The following FBXO15 variants were observed in gnomAD, a reference collection of about 807,000 sequenced individuals.
FBXO15 encodes F-box protein 15, also known as F-box only protein 15.
In FBXO15, 30 loss-of-function variants were observed where a neutral mutation model predicts 49.5. The ratio of observed to expected loss-of-function variants is 0.61; its 90% CI spans 0.45 to 0.82. The LOEUF (loss-of-function observed/expected upper bound fraction) is 0.82. Ranked by LOEUF, FBXO15 falls within the 40% of genes least tolerant of loss-of-function variation. FBXO15 has a pLI of 0.00. For missense variants in FBXO15, 591 were observed against 631.5 expected, an observed-to-expected ratio of 0.94 and a Z score of 0.69; for synonymous variants, 250 against 232.7, an observed-to-expected ratio of 1.07 and a Z score of -0.68.
intron 8 of FBXO15, among the ~76,000 whole-genome samples, chr18:74,121,776 C>T (rs182001842): frequency 1.1e-3 from 168 of 152,058 alleles, no homozygotes; most frequent in African/African-American, 2.6e-3. Context: ...AGGGTGGGGG[C>T]GAGGAGGAAA....
chr18:74,082,622 G>A (rs2145107729), intron 8 of FBXO15, among the ~76,000 whole-genome samples: 1 of 152,274 alleles, frequency 6.6e-6, no homozygotes, highest in Middle Eastern at 3.4e-3. Context: ...CTGGCAGCCT[G>A]GCCACACGGA....
In FBXO15 at chr18:74,089,585, T is replaced by C. The variant is rs1912924617; in HGVS notation, c.1139-7534A>G. ...ATAGATGGCTGTTATTATTTTGAAG[T>C]ATGTTCCTTCAATGCCTAGTTTCTT... On this transcript the variant is annotated intron_variant, in intron 8 of 9. Coordinates refer to ENST00000419743, the MANE Select transcript of FBXO15 (RefSeq NM_001142958.2). Among the ~76,000 whole-genome samples, 3 of 152,222 alleles carry C rather than the reference T, an allele frequency of 2.0e-5. No individual in the cohort carries two copies. The South Asian group carries it at 6.2e-4, about 32-fold the overall frequency.
rs143923015 is a variant in FBXO15, at chr18:74,123,419, C to T, written c.1087G>A (p.Gly363Ser). 32 of 1,613,888 alleles carry T rather than the reference C, an allele frequency of 2.0e-5. No individual in the cohort carries two copies. The highest frequency in any genetic ancestry group is 1.1e-4 in the African/African-American group (8 of 75,000). The stretch of plus-strand genomic sequence containing the variant: ...GTACCACATAGGTAGAAAACCCCAC[C>T]GCTGTGCAGATCAACATGGAGTTGG... The part of the protein sequence containing the change: ...GYQLHVDLHS[G>S]GVFYLCGTFR... Residue 363 changes from glycine (G) to serine (S), a missense_variant, in exon 8 of 10, where the codon GGT becomes AGT. By Grantham distance (56) the Gly-to-Ser change is moderately conservative (BLOSUM62 0). Transcript: ENST00000419743.
chr18:74,147,451 T>C, intron 1 of FBXO15: 1 of 1,188,742 alleles, frequency 8.4e-7, no homozygotes, highest in Non-Finnish European at 1.0e-6. Flanking sequence ...AGAAAAAATA[T>C]TTCCCCGAGA....
At chr18:74,129,725 C>A in intron 4 of FBXO15, 111 bp from the exon 5 acceptor site, 1 of 849,456 alleles carries the variant, frequency 1.2e-6, no homozygotes, top group South Asian at 1.8e-5. Context: ...AAGCCAAAGT[C>A]AAAATTCTCA....
chr18:74,140,364 T>C, intron 1 of FBXO15, 52 bp from the exon 2 acceptor site: 1 of 1,478,660 alleles, frequency 6.8e-7, no homozygotes, highest in South Asian at 1.3e-5. Flanking sequence ...ATGAGGTGAA[T>C]TATCTATTCC....
intron 3 of FBXO15, among the ~76,000 whole-genome samples, chr18:74,135,263 C>G (rs1017896018): frequency 1.3e-5 from 2 of 152,230 alleles, no homozygotes; most frequent in African/African-American, 4.8e-5. Context: ...TCTCTCTATC[C>G]ATTTCGCTCT....
intron 9 of FBXO15, among the ~76,000 whole-genome samples, chr18:74,078,338 C>CCT (rs74319983): frequency 4.1e-4 from 61 of 148,126 alleles, no homozygotes; most frequent in African/African-American, 1.5e-3. Context: ...GGCCCCCCCC[C>CCT]GACCTGCCCC....
chr18:74,094,462 C>T (rs932462791), intron 8 of FBXO15, among the ~76,000 whole-genome samples: 1 of 152,170 alleles, frequency 6.6e-6, no homozygotes, highest in Non-Finnish European at 1.5e-5. Flanking sequence ...CATTCTATAT[C>T]CTGTACAGCC....
At chr18:74,094,226 G>A (rs962267267) in intron 8 of FBXO15, among the ~76,000 whole-genome samples, 2 of 152,186 alleles carry the variant, frequency 1.3e-5, no homozygotes, top group Non-Finnish European at 2.9e-5. Context: ...GGCCTGGTGG[G>A]AGCTGACTGT....
intron 8 of FBXO15, among the ~76,000 whole-genome samples, chr18:74,121,600 T>A (rs550715309): frequency 6.6e-6 from 1 of 152,252 alleles, no homozygotes; most frequent in South Asian, 2.1e-4. Context: ...GCAATCTTCC[T>A]GAGCCAAAAA....
At position 74,105,402 on chromosome 18, in the gene FBXO15, T is replaced by C. The variant is rs1430948371; in HGVS notation, c.1138+17966A>G. Among the ~76,000 whole-genome samples, 3 of 152,094 alleles carry C rather than the reference T, an allele frequency of 2.0e-5. No homozygotes were observed. The East Asian group carries it at 5.8e-4, about 29-fold the overall frequency. On this transcript the variant is annotated intron_variant, in intron 8 of 9. Transcript: ENST00000419743. ...TGTATTATCACATGTATCCTGAAAA[T>C]ATGTACATCTATTAGGCATCAATTT...
chr18:74,112,911 A>C (rs1914092997), intron 8 of FBXO15, among the ~76,000 whole-genome samples: 1 of 152,232 alleles, frequency 6.6e-6, no homozygotes, highest in Non-Finnish European at 1.5e-5. Flanking sequence ...TTCTTACAAA[A>C]TTAAACGTAC....
At chr18:74,138,004 T>TC (rs1978827058) in intron 2 of FBXO15, among the ~76,000 whole-genome samples, 1 of 151,974 alleles carries the variant, frequency 6.6e-6, no homozygotes, top group Admixed American at 6.6e-5. Flanking sequence ...GTGCTCTAGG[T>TC]CCCCACGGTT....
intron 8 of FBXO15, among the ~76,000 whole-genome samples, chr18:74,094,111 T>C (rs749539275): frequency 6.6e-6 from 1 of 152,224 alleles, no homozygotes; most frequent in Non-Finnish European, 1.5e-5. Flanking sequence ...CATGACTAGA[T>C]GTATTCTCAA....
At position 74,093,245 on chromosome 18, in the gene FBXO15, C is replaced by T. The variant is rs1461474482; in HGVS notation, c.1139-11194G>A. Among the ~76,000 whole-genome samples the T allele has an allele frequency of 9.4e-5, 9 of 95,250 alleles. No homozygotes were observed. The South Asian group carries it at 2.0e-3, about 21-fold the overall frequency. The allele number at this position is 95,250 out of a possible 152,430, so 62.5% of individuals were successfully genotyped here. Reference sequence around the variant, plus strand: ...AGGTAAGGCAAGGTTCACTCATACACGTGTGCTGGCAAAACAATGGGGGGG... The same window carrying T: ...AGGTAAGGCAAGGTTCACTCATACATGTGTGCTGGCAAAACAATGGGGGGG... On this transcript the variant is annotated intron_variant, in intron 8 of 9. Transcript: ENST00000419743.
chr18:74,094,428 C>T (rs924594586), intron 8 of FBXO15, among the ~76,000 whole-genome samples: 14 of 152,112 alleles, frequency 9.2e-5, no homozygotes, highest in Non-Finnish European at 1.8e-4. Flanking sequence ...GTAAGCTTCC[C>T]GAGGCCTCCT....
At chr18:74,108,882 G>A (rs1041222432) in intron 8 of FBXO15, among the ~76,000 whole-genome samples, 2 of 152,168 alleles carry the variant, frequency 1.3e-5, no homozygotes, top group African/African-American at 4.8e-5. Flanking sequence ...AACCAGGCAA[G>A]TAAGAAGAGA....
intron 8 of FBXO15, among the ~76,000 whole-genome samples, chr18:74,116,647 C>T (rs946182949): frequency 1.7e-4 from 26 of 152,192 alleles, no homozygotes; most frequent in Non-Finnish European, 3.7e-4. Flanking sequence ...CCCAGCTCCT[C>T]CTGGTGTGCC....
Sources: allele counts gnomAD v4.1 joint callset (sites outside exome capture counted in the v4.1 genomes callset), GRCh38; gene constraint gnomAD v4.1.1; transcripts MANE v1.5; gene names NCBI Gene and HGNC (gene_info 2026-07-23, HGNC 2026-07-21).